Variants in CAB39 observed in about 807,000 individuals in gnomAD.
CAB39 encodes the protein calcium-binding protein 39.
A neutral mutation model predicts 40.0 loss-of-function variants in CAB39; 8 were observed. The ratio of observed to expected loss-of-function variants is 0.20; its 90% CI spans 0.12 to 0.36. The LOEUF (loss-of-function observed/expected upper bound fraction) is 0.36. Among genes scored for constraint, CAB39 ranks in the 10% least tolerant of loss-of-function variants. The pLI is 1.00. For synonymous variants in CAB39, 156 were observed against 141.6 expected, an observed-to-expected ratio of 1.10 and a Z score of -0.72; for missense variants, 270 against 401.1, an observed-to-expected ratio of 0.67 and a Z score of 2.79.
intron 2 of CAB39, among the ~76,000 whole-genome samples, chr2:230,772,959 T>C (rs1213240958): frequency 7.4e-6 from 1 of 135,174 alleles, no homozygotes; most frequent in Non-Finnish European, 1.5e-5. Flanking sequence ...AGTACATCCA[T>C]GTAACAGAGT....
At chr2:230,780,855 G>A (rs181718692) in intron 2 of CAB39, among the ~76,000 whole-genome samples, 1 of 152,154 alleles carries the variant, frequency 6.6e-6, no homozygotes, top group African/African-American at 2.4e-5. Flanking sequence ...GGCTGAGGGG[G>A]CTGATAACTC....
In CAB39 at chr2:230,814,012, T is replaced by G. The variant is rs964953675; in HGVS notation, c.628-37T>G. 4 of 432,434 alleles carry G rather than the reference T, an allele frequency of 9.2e-6. No individual in the cohort carries two copies. Among genetic ancestry groups the G allele is most frequent in the Non-Finnish European group, 1.7e-5 (4 of 236,920 alleles). 26.8% of individuals were successfully genotyped at this position (432,434 alleles called of 1,614,324 possible). A position where few individuals can be genotyped will look rare whatever the true frequency, so the allele number is the denominator to read the frequency against. ...TTTTTTTTTTTTTTTTTTTTTTTTT[T>G]GGCAATAACCCTGATTTATGTTCTC... On this transcript the variant is annotated intron_variant, in intron 6 of 8. Transcript: ENST00000258418.
Position 230,817,684 on chromosome 2 carries a change from A to G in CAB39, c.694-70A>G, listed in dbSNP as rs1343759416. On this transcript the variant is annotated intron_variant, in intron 7 of 8. Transcript: ENST00000258418. ...CTCTATACTTGATGATTATAAAATAAATTGTTTTTTTAAACTTTGATTTTT... is the reference window on the plus strand; with the variant it reads ...CTCTATACTTGATGATTATAAAATAGATTGTTTTTTTAAACTTTGATTTTT... 1.5e-5 allele frequency: 18 copies of G among 1,222,020 alleles called. No individual in the cohort carries two copies. In the South Asian group the frequency reaches 2.1e-4, roughly 14 times the overall value. 75.7% of individuals were successfully genotyped at this position (1,222,020 alleles called of 1,614,324 possible). A position where few individuals can be genotyped will look rare whatever the true frequency, so the allele number is the denominator to read the frequency against.
chr2:230,761,888 T>TTTG (rs55722046), intron 2 of CAB39, among the ~76,000 whole-genome samples: 54,471 of 149,802 alleles, frequency 0.36, 10,212 homozygotes, highest in Middle Eastern at 0.44. Flanking sequence ...TTGTTTTTTA[T>TTTG]TTGTTGTTGT....
At chr2:230,773,989 C>T (rs1036341592) in intron 2 of CAB39, among the ~76,000 whole-genome samples, 10 of 152,068 alleles carry the variant, frequency 6.6e-5, no homozygotes, top group African/African-American at 2.4e-4. Context: ...ATCCTTACAT[C>T]GATATACCAC....
chr2:230,724,544 G>A (rs1364445342), intron 1 of CAB39, among the ~76,000 whole-genome samples: 5 of 151,862 alleles, frequency 3.3e-5, no homozygotes, highest in Non-Finnish European at 5.9e-5. Context: ...AGCCGGGCAT[G>A]GTGGCACATG....
chr2:230,796,221 C>T (rs962749249), intron 4 of CAB39, among the ~76,000 whole-genome samples: 1 of 152,190 alleles, frequency 6.6e-6, no homozygotes, highest in African/African-American at 2.4e-5. Flanking sequence ...TAGACTGCTT[C>T]CATACAGTGT....
chr2:230,747,524 C>T (rs1694996869), intron 1 of CAB39, among the ~76,000 whole-genome samples: 1 of 152,198 alleles, frequency 6.6e-6, no homozygotes, highest in Admixed American at 6.5e-5. Context: ...AACTTTGAGA[C>T]TCTGTAGAAG....
intron 1 of CAB39, among the ~76,000 whole-genome samples, chr2:230,754,915 C>A (rs190702093): frequency 5.3e-4 from 80 of 152,366 alleles, no homozygotes; most frequent in African/African-American, 1.6e-3. Flanking sequence ...TTAGCTCCCA[C>A]ATGTCAGTGA....
At chr2:230,740,996 T>A (rs904817573) in intron 1 of CAB39, among the ~76,000 whole-genome samples, 1 of 152,238 alleles carries the variant, frequency 6.6e-6, no homozygotes, top group African/African-American at 2.4e-5. Context: ...GTAGTCTGCC[T>A]GGTTAGCTGA....
chr2:230,802,471 G>A (rs1272498461), intron 5 of CAB39, among the ~76,000 whole-genome samples: 1 of 152,116 alleles, frequency 6.6e-6, no homozygotes, highest in Non-Finnish European at 1.5e-5. Context: ...GAATCCAGGA[G>A]CTGGTTTTTT....
chr2:230,808,498 T>A (rs1696244671), intron 5 of CAB39, among the ~76,000 whole-genome samples: 1 of 152,206 alleles, frequency 6.6e-6, no homozygotes, highest in Non-Finnish European at 1.5e-5. Context: ...GTCCTCATGT[T>A]CCTCTCTCTG....
At chr2:230,791,677 G>A (rs190833345) in intron 3 of CAB39, among the ~76,000 whole-genome samples, 1 of 152,288 alleles carries the variant, frequency 6.6e-6, no homozygotes, top group East Asian at 1.9e-4. Context: ...CTACACCTGG[G>A]TTTGCTGTAG....
chr2:230,818,186 A>C, intron 8 of CAB39: 1 of 457,868 alleles, frequency 2.2e-6, no homozygotes, highest in Non-Finnish European at 3.8e-6. Context: ...CTTTCTGTGG[A>C]GGTTTCATTC....
chr2:230,751,380 T>A (rs2124906660), intron 1 of CAB39, among the ~76,000 whole-genome samples: 1 of 152,364 alleles, frequency 6.6e-6, no homozygotes, highest in Middle Eastern at 3.4e-3. Flanking sequence ...GCACTCTTGA[T>A]GCCTTAAGTT....
chr2:230,713,657 C>T (rs1216593766), intron 1 of CAB39: 1 of 152,330 alleles, frequency 6.6e-6, no homozygotes, highest in African/African-American at 2.4e-5. Context: ...GAGGCAGATA[C>T]CAGCTTTGTG....
At chr2:230,725,239 ATCTT>A in intron 1 of CAB39, 1 of 1,590,466 alleles carries the variant, frequency 6.3e-7, no homozygotes, top group East Asian at 2.2e-5. Flanking sequence ...AGAGGTCTTC[ATCTT>A]TCTTTAGCAC....
chr2:230,758,650 A>G (rs1695237004), intron 1 of CAB39, among the ~76,000 whole-genome samples: 2 of 152,200 alleles, frequency 1.3e-5, no homozygotes, highest in South Asian at 4.1e-4. Flanking sequence ...TTATGATACT[A>G]TGCAATGGAT....
At chr2:230,713,267 A>ACGCCTGCCCGGCTTC (rs1205538132) in intron 1 of CAB39, 37 bp downstream of exon 1, 6 of 152,186 alleles carry the variant, frequency 3.9e-5, no homozygotes, top group East Asian at 3.9e-4. Context: ...CGTGGTGCGG[A>ACGCCTGCCCGGCTTC]CGCCTGCCCG....
Sources: allele counts gnomAD v4.1 joint callset (sites outside exome capture counted in the v4.1 genomes callset), GRCh38; gene constraint gnomAD v4.1.1; transcripts MANE v1.5; gene names NCBI Gene and HGNC (gene_info 2026-07-23, HGNC 2026-07-21).